The following NFIX variants were observed in gnomAD, a reference collection of about 807,000 sequenced individuals.
The protein encoded by NFIX is nuclear factor I X.
In NFIX, 2 loss-of-function variants were observed where a neutral mutation model predicts 53.3. That is an observed-to-expected ratio of 0.04 (90% CI 0.02 to 0.12). The LOEUF is 0.12. Ranked by LOEUF, NFIX falls within the 10% of genes least tolerant of loss-of-function variation. NFIX has a pLI of 1.00. For synonymous variants in NFIX, 244 were observed against 289.0 expected (o/e 0.84, Z 1.58); for missense variants, 310 against 674.5 (o/e 0.46, Z 5.99).
intron 2 of NFIX, among the ~76,000 whole-genome samples, chr19:13,048,115 C>T (rs1480418497): frequency 1.3e-5 from 2 of 152,352 alleles, no homozygotes; most frequent in East Asian, 3.9e-4. Flanking sequence ...GAATCTTGCT[C>T]AAGGCCACCC....
At chr19:13,077,451 T>C (rs928066662) in intron 6 of NFIX, among the ~76,000 whole-genome samples, 4 of 152,140 alleles carry the variant, frequency 2.6e-5, no homozygotes, top group African/African-American at 9.7e-5. Context: ...GGGGAGGCAC[T>C]GTGCGGCCAT....
intron 2 of NFIX, among the ~76,000 whole-genome samples, chr19:13,058,691 CAAAA>C (rs1002173901): frequency 9.3e-5 from 14 of 151,002 alleles, no homozygotes; most frequent in African/African-American, 2.9e-4. Flanking sequence ...GACCCTGTCT[CAAAA>C]AAAGCAAAAA....
rs193019669 is a variant in NFIX at position 13,091,023 on chromosome 19, C to T, written c.1494+633C>T. 5.4e-3 allele frequency among the ~76,000 whole-genome samples: 827 copies of T among 152,246 alleles called. 8 individuals are homozygous for T. Among genetic ancestry groups the T allele is most frequent in the African/African-American group, 0.019 (802 of 41,542 alleles). ...CCAGGAGACAGATCCCCGTCACAAGCAGGGCATAAGACTACTCTTAGCCCT... is the reference window on the plus strand; with the variant it reads ...CCAGGAGACAGATCCCCGTCACAAGTAGGGCATAAGACTACTCTTAGCCCT... On this transcript the variant is annotated intron_variant, in intron 10 of 10. Coordinates refer to ENST00000592199, the MANE Select transcript of NFIX (RefSeq NM_001365902.3).
intron 2 of NFIX, among the ~76,000 whole-genome samples, chr19:13,047,355 G>C (rs1157156250): frequency 6.6e-6 from 1 of 151,934 alleles, no homozygotes; most frequent in Non-Finnish European, 1.5e-5. Context: ...ACATTGGTCA[G>C]TTTGATTTCA....
At chr19:13,054,031 C>T (rs2015491859) in intron 2 of NFIX, among the ~76,000 whole-genome samples, 1 of 152,202 alleles carries the variant, frequency 6.6e-6, no homozygotes, top group Non-Finnish European at 1.5e-5. Flanking sequence ...GAGCACGGAT[C>T]CCAGCTTCGT....
intron 1 of NFIX, among the ~76,000 whole-genome samples, chr19:13,000,339 C>T (rs554981356): frequency 2.7e-4 from 41 of 152,136 alleles, no homozygotes; most frequent in African/African-American, 8.7e-4. Flanking sequence ...CCAGACCCTC[C>T]CAGCTGAGAG....
chr19:13,045,320 G>C lies in NFIX; in HGVS notation c.559+19768G>C, dbSNP rs749556413. 1.3e-5 allele frequency among the ~76,000 whole-genome samples: 2 copies of C among 152,176 alleles called. No homozygotes were observed. The highest frequency in any genetic ancestry group is 2.9e-5 in the Non-Finnish European group (2 of 68,036). On this transcript the variant is annotated intron_variant, in intron 2 of 10. Coordinates refer to ENST00000592199, the MANE Select transcript of NFIX (RefSeq NM_001365902.3). The surrounding 1 kb of genome is among the most constrained non-coding windows in gnomAD (Gnocchi z 4.4). ...GTTCCTGATAGCACAGGGGTTCTCA[G>C]TGAGGGTGGTTCTGCCCCTAGGGTA...
At chr19:13,083,374 C>T (rs1174953286) in intron 8 of NFIX, among the ~76,000 whole-genome samples, 27 of 152,186 alleles carry the variant, frequency 1.8e-4, no homozygotes, top group Admixed American at 1.8e-3. Context: ...CAAATTCAGG[C>T]TGGCCTAGAG....
chr19:13,071,950 C>T (rs1219646176), intron 2 of NFIX, among the ~76,000 whole-genome samples: 1 of 152,208 alleles, frequency 6.6e-6, no homozygotes, highest in Non-Finnish European at 1.5e-5. Flanking sequence ...TGGTGGGGGC[C>T]AGCAGGTTGA....
At position 13,024,962 on chromosome 19, in the gene NFIX, C is replaced by G. The variant is rs895362415; in HGVS notation, c.28-59C>G. 3.2e-6 allele frequency: 5 copies of G among 1,549,180 alleles called. No individual in the cohort carries two copies. The South Asian group carries it at 6.0e-5, about 18-fold the overall frequency. Reference sequence around the variant, plus strand: ...TCTCCTTCTCTCTTTCCCCCTCATCCCGTCTTCCCCTCCTCCCGTCCTCCC... The same window carrying G: ...TCTCCTTCTCTCTTTCCCCCTCATCGCGTCTTCCCCTCCTCCCGTCCTCCC... On this transcript the variant is annotated intron_variant, in intron 1 of 10. Coordinates refer to ENST00000592199, the MANE Select transcript of NFIX (RefSeq NM_001365902.3).
chr19:13,026,791 T>C (rs972881085), intron 2 of NFIX, among the ~76,000 whole-genome samples: 11 of 152,066 alleles, frequency 7.2e-5, no homozygotes, highest in Admixed American at 4.6e-4. Context: ...CATTCCAGTA[T>C]TTTTTCCCCT....
At chr19:13,055,347 G>C (rs1276865057) in intron 2 of NFIX, among the ~76,000 whole-genome samples, 1 of 152,088 alleles carries the variant, frequency 6.6e-6, no homozygotes, top group Non-Finnish European at 1.5e-5. Flanking sequence ...CCTTCCCCGA[G>C]GGCCTGCCCC....
intron 2 of NFIX, among the ~76,000 whole-genome samples, chr19:13,048,210 G>C (rs2015108898): frequency 6.6e-6 from 1 of 152,206 alleles, no homozygotes; most frequent in Admixed American, 6.5e-5. Context: ...CTCAGGGTCT[G>C]ATTTCTCCTT....
intron 6 of NFIX, among the ~76,000 whole-genome samples, chr19:13,076,899 T>C (rs570502232): frequency 1.4e-4 from 21 of 152,166 alleles, no homozygotes; most frequent in African/African-American, 3.4e-4. Flanking sequence ...GGAGACCCTC[T>C]AGATGGCCAG....
chr19:13,020,653 T>G (rs780417465), intron 1 of NFIX, among the ~76,000 whole-genome samples: 1 of 152,138 alleles, frequency 6.6e-6, no homozygotes, highest in Non-Finnish European at 1.5e-5. Context: ...GCCTGTTGCT[T>G]CTTCTGTTAA....
Position 13,010,339 on chromosome 19 carries a change from G to T in NFIX, c.27+14475G>T, listed in dbSNP as rs139636620. Among the ~76,000 whole-genome samples the T allele has an allele frequency of 6.7e-3, 1,020 of 152,366 alleles. 13 individuals carry two copies. Among genetic ancestry groups the T allele is most frequent in the African/African-American group, 0.024 (988 of 41,598 alleles). On this transcript the variant is annotated intron_variant, in intron 1 of 10. Transcript: ENST00000592199. ...CCCCCTGGCCCTGCGGCCCCGAAGGGGACCTAGGCGCGCTCATGCACGTCC... is the reference window on the plus strand; with the variant it reads ...CCCCCTGGCCCTGCGGCCCCGAAGGTGACCTAGGCGCGCTCATGCACGTCC...
intron 2 of NFIX, among the ~76,000 whole-genome samples, chr19:13,053,594 C>T (rs569962037): frequency 1.6e-4 from 24 of 152,260 alleles, no homozygotes; most frequent in African/African-American, 5.8e-4. Flanking sequence ...TCCAGCCCAT[C>T]CTCCATCCTC....
At position 12,996,562 on chromosome 19, in the gene NFIX, G is replaced by C. The variant is rs970360120; in HGVS notation, c.27+698G>C. ...CGGGCGCGCTGCCAGCGGTGGCCGC[G>C]CCTCTCCGACCCCGGACGTCGCAGC... On this transcript the variant is annotated intron_variant, in intron 1 of 10. Transcript: ENST00000592199. The surrounding 1 kb of genome is among the most constrained non-coding windows in gnomAD (Gnocchi z 5.2). Among the ~76,000 whole-genome samples the C allele has an allele frequency of 6.6e-6, 1 of 152,158 alleles. No individual in the cohort carries two copies. The highest frequency in any genetic ancestry group is 1.5e-5 in the Non-Finnish European group (1 of 68,010).
At chr19:13,015,808 A>ACACACACACACACG (rs1555695242) in intron 1 of NFIX, among the ~76,000 whole-genome samples, 1 of 150,812 alleles carries the variant, frequency 6.6e-6, no homozygotes, top group African/African-American at 2.4e-5. Flanking sequence ...ACACACACAC[A>ACACACACACACACG]CACACGCACA....
Sources: gnomAD v4.1 joint callset for allele counts (sites outside exome capture counted in the v4.1 genomes callset) on GRCh38, gnomAD v4.1.1 for gene constraint, Gnocchi (gnomAD v3.1) non-coding constraint, MANE v1.5 for transcripts, NCBI Gene and HGNC (gene_info 2026-07-23, HGNC 2026-07-21) for gene names.